Variants in RAD51C observed in about 807,000 individuals in gnomAD.
The protein encoded by RAD51C is DNA repair protein RAD51 homolog 3.
RAD51C carries 42 observed loss-of-function variants against 45.0 expected under a neutral mutation model. That is an observed-to-expected ratio of 0.93 (90% CI 0.73 to 1.21). The LOEUF (loss-of-function observed/expected upper bound fraction) is 1.21, where lower values mean the gene tolerates loss of function less well. RAD51C is among the 50% of genes most tolerant of loss of function. The pLI is 0.00. For synonymous variants in RAD51C, 172 were observed against 159.8 expected (o/e 1.08, Z -0.58); for missense variants, 474 against 452.2 (o/e 1.05, Z -0.44).
At chr17:58,718,121 C>T (rs1038370834) in intron 5 of RAD51C, among the ~76,000 whole-genome samples, 1 of 152,058 alleles carries the variant, frequency 6.6e-6, no homozygotes, top group Non-Finnish European at 1.5e-5. Flanking sequence ...CTCAGCCTCC[C>T]GAGTAGCTGG....
intron 5 of RAD51C, among the ~76,000 whole-genome samples, chr17:58,718,837 C>T (rs185064807): frequency 1.6e-3 from 242 of 152,142 alleles, no homozygotes; most frequent in Non-Finnish European, 3.2e-3. Context: ...ACTATATTTG[C>T]TTCCTTCTTA....
At chr17:58,726,077 C>G (rs984328906) in intron 7 of RAD51C, among the ~76,000 whole-genome samples, 3 of 149,604 alleles carry the variant, frequency 2.0e-5, no homozygotes, top group Non-Finnish European at 4.4e-5. Context: ...ATCTGCTGTT[C>G]TATAATATTT....
chr17:58,703,050 A>T, intron 3 of RAD51C, 146 bp from the exon 4 acceptor site: 1 of 830,660 alleles, frequency 1.2e-6, no homozygotes, highest in Non-Finnish European at 1.9e-6. Flanking sequence ...AACTGTTTAT[A>T]GTAATTTTGC....
chr17:58,697,260 C>T (rs1186237456), intron 3 of RAD51C, among the ~76,000 whole-genome samples: 1 of 151,990 alleles, frequency 6.6e-6, no homozygotes, highest in Non-Finnish European at 1.5e-5. Context: ...CGTCTGAGGC[C>T]GGATGCAGTG....
intron 3 of RAD51C, among the ~76,000 whole-genome samples, chr17:58,702,285 G>A (rs993760637): frequency 6.6e-6 from 1 of 152,108 alleles, no homozygotes; most frequent in African/African-American, 2.4e-5. Flanking sequence ...TCTGTTCAAT[G>A]AAGCCAGTGA....
At chr17:58,732,294 ACT>A (rs1358477601) in intron 7 of RAD51C, 188 bp from the exon 8 acceptor site, 3 of 488,318 alleles carry the variant, frequency 6.1e-6, no homozygotes, top group East Asian at 6.6e-5. Context: ...TTTCATATAA[ACT>A]CTGTTATATA....
chr17:58,723,002 C>G (rs28363322), intron 6 of RAD51C, among the ~76,000 whole-genome samples: 36 of 152,272 alleles, frequency 2.4e-4, no homozygotes, highest in Admixed American at 1.7e-3. Flanking sequence ...GAAAAGTAAC[C>G]TAACATATAA....
intron 8 of RAD51C, 176 bp downstream of exon 8, chr17:58,732,720 C>A (rs2049483141): frequency 1.6e-6 from 1 of 624,420 alleles, no homozygotes; most frequent in Non-Finnish European, 2.9e-6. Context: ...ATTGTAGTCA[C>A]AAATGGACTG....
chr17:58,723,282 A>G (rs532867778), intron 6 of RAD51C, among the ~76,000 whole-genome samples: 1 of 151,206 alleles, frequency 6.6e-6, no homozygotes, highest in South Asian at 2.1e-4. Context: ...CCCAAGCACT[A>G]TTGCTTAAAT....
intron 3 of RAD51C, among the ~76,000 whole-genome samples, chr17:58,697,680 G>A (rs1176352304): frequency 6.6e-6 from 1 of 151,920 alleles, no homozygotes; most frequent in East Asian, 1.9e-4. Flanking sequence ...TGTTGTTTTG[G>A]TGCTTGTTAT....
chr17:58,725,439 AC>A (rs897205910), intron 7 of RAD51C, among the ~76,000 whole-genome samples: 2 of 152,164 alleles, frequency 1.3e-5, no homozygotes, highest in Non-Finnish European at 2.9e-5. Flanking sequence ...CATAGGAATT[AC>A]GCCTGAGTTA....
chr17:58,727,311 G>T (rs1406801840), intron 7 of RAD51C, among the ~76,000 whole-genome samples: 1 of 151,166 alleles, frequency 6.6e-6, no homozygotes, highest in Non-Finnish European at 1.5e-5. Flanking sequence ...TTTAGTAGAG[G>T]TGGGATTTCA....
intron 7 of RAD51C, among the ~76,000 whole-genome samples, chr17:58,726,551 GATGTATATACAT>G (rs1424382172): frequency 2.5e-5 from 3 of 119,140 alleles, no homozygotes; most frequent in African/African-American, 8.3e-5. Flanking sequence ...TATAAGTATA[GATGTATATACAT>G]ATGTATATAT....
rs553112850 is a variant in RAD51C at position 58,696,736 on chromosome 17, G to A, written c.448G>A (p.Gly150Arg). ...VDVQIPECFG[G>R]VAGEAVFIDT... ...TGTGCAGATACCAGAATGTTTTGGA[G>A]GAGTGGCAGGTGAAGCAGTTTTTAT... Residue 150 changes from glycine (G) to arginine (R), a missense_variant, in exon 3 of 9, where the codon GGA becomes AGA. Physicochemically the swap from Gly to Arg is moderately radical, Grantham distance 125. Coordinates refer to ENST00000337432, the MANE Select transcript of RAD51C (RefSeq NM_058216.3). 1 of 1,614,212 alleles carries A rather than the reference G, an allele frequency of 6.2e-7. No individual in the cohort carries two copies. Among genetic ancestry groups the A allele is most frequent in the Non-Finnish European group, 8.5e-7 (1 of 1,180,036 alleles).
At chr17:58,732,374 G>A in intron 7 of RAD51C, 110 bp from the exon 8 acceptor site, 1 of 879,418 alleles carries the variant, frequency 1.1e-6, no homozygotes, top group Middle Eastern at 3.5e-4. Flanking sequence ...AGAAAAAATA[G>A]AATTATTAAT....
At chr17:58,698,591 A>G (rs1261611629) in intron 3 of RAD51C, among the ~76,000 whole-genome samples, 1 of 151,464 alleles carries the variant, frequency 6.6e-6, no homozygotes, top group Non-Finnish European at 1.5e-5. Context: ...GGCCTCCCAA[A>G]GTGCTGGGAT....
At chr17:58,698,621 G>T (rs1380348776) in intron 3 of RAD51C, among the ~76,000 whole-genome samples, 1 of 149,370 alleles carries the variant, frequency 6.7e-6, no homozygotes, top group Non-Finnish European at 1.5e-5. Flanking sequence ...GAGCCACCAC[G>T]CCCAGCCTTA....
chr17:58,728,479 C>T (rs1477747398), intron 7 of RAD51C, among the ~76,000 whole-genome samples: 3 of 150,314 alleles, frequency 2.0e-5, no homozygotes, highest in Non-Finnish European at 4.4e-5. Flanking sequence ...CTCACTGCAA[C>T]CTCAACCTCC....
At position 58,694,479 on chromosome 17, in the gene RAD51C, A is replaced by AT. The variant is rs35324884; in HGVS notation, c.146-433dup. The stretch of plus-strand genomic sequence containing the variant: ...AAAACGAATACCTTTATTAAGCTGA[A>AT]TTTTTTTTTTTTTTTTTTTGAGACG... On this transcript the variant is annotated intron_variant, in intron 1 of 8. Coordinates refer to ENST00000337432, the MANE Select transcript of RAD51C (RefSeq NM_058216.3). 6.2e-3 allele frequency: 925 copies of AT among 148,182 alleles called. 5 individuals are homozygous for AT. The highest frequency in any genetic ancestry group is 0.026 in the South Asian group (150 of 5,662). 9.2% of individuals were successfully genotyped at this position (148,182 alleles called of 1,614,324 possible). A position where few individuals can be genotyped will look rare whatever the true frequency, so the allele number is the denominator to read the frequency against.
Sources: allele counts gnomAD v4.1 joint callset (sites outside exome capture counted in the v4.1 genomes callset), GRCh38; gene constraint gnomAD v4.1.1; transcripts MANE v1.5; gene names NCBI Gene and HGNC (gene_info 2026-07-23, HGNC 2026-07-21).